The following PAK5 variants were observed in gnomAD, a reference collection of about 807,000 sequenced individuals.
The protein encoded by PAK5 is p21 (RAC1) activated kinase 5.
In PAK5, 16 loss-of-function variants were observed where a neutral mutation model predicts 65.9. The ratio of observed to expected loss-of-function variants is 0.24; its 90% CI spans 0.16 to 0.37. PAK5 has a LOEUF of 0.37. Ranked by LOEUF, PAK5 falls within the 10% of genes least tolerant of loss-of-function variation. The pLI, the probability that PAK5 is intolerant of heterozygous loss-of-function variation, is 1.00. For synonymous variants in PAK5, 371 were observed against 354.9 expected (o/e 1.05, Z -0.51); for missense variants, 785 against 903.9 (o/e 0.87, Z 1.69).
intron 1 of PAK5, among the ~76,000 whole-genome samples, chr20:9,823,962 T>A (rs889997467): frequency 6.6e-6 from 1 of 152,182 alleles, no homozygotes; most frequent in African/African-American, 2.4e-5. Context: ...TTACTAGCCA[T>A]AAAATGGGAA....
At chr20:9,586,234 A>G (rs2046067313) in intron 3 of PAK5, among the ~76,000 whole-genome samples, 1 of 152,286 alleles carries the variant, frequency 6.6e-6, no homozygotes, top group South Asian at 2.1e-4. Flanking sequence ...GAAATTCACC[A>G]CTAGGACACA....
chr20:9,567,002 G>A (rs2045694389), intron 4 of PAK5, among the ~76,000 whole-genome samples: 1 of 152,148 alleles, frequency 6.6e-6, no homozygotes, highest in African/African-American at 2.4e-5. Flanking sequence ...GGGATGAGGG[G>A]ATTTATTGGA....
chr20:9,738,777 T>C lies in PAK5; in HGVS notation c.-161-27342A>G, dbSNP rs141755946. On this transcript the variant is annotated intron_variant, in intron 1 of 9. Coordinates refer to ENST00000353224, the MANE Select transcript of PAK5 (RefSeq NM_177990.4). Reference sequence around the variant, plus strand: ...TGATGACTTCATGGTTGTATACATATGTCAACATGTATCAAATTGCATACT... The same window carrying C: ...TGATGACTTCATGGTTGTATACATACGTCAACATGTATCAAATTGCATACT... Among the ~76,000 whole-genome samples the C allele has an allele frequency of 3.9e-5, 6 of 152,156 alleles. No individual in the cohort carries two copies. In the East Asian group the frequency reaches 7.7e-4, roughly 20 times the overall value.
At chr20:9,797,684 A>G (rs2049121226) in intron 1 of PAK5, among the ~76,000 whole-genome samples, 1 of 150,322 alleles carries the variant, frequency 6.7e-6, no homozygotes, top group Non-Finnish European at 1.5e-5. Flanking sequence ...CACAAGAAAA[A>G]AAAAAGAAAA....
chr20:9,558,273 G>A (rs1303509607), intron 6 of PAK5, among the ~76,000 whole-genome samples: 7 of 151,744 alleles, frequency 4.6e-5, no homozygotes, highest in African/African-American at 9.7e-5. Context: ...CATTATGCCC[G>A]GCTAATTTTT....
chr20:9,787,181 A>T (rs77077072), intron 1 of PAK5, among the ~76,000 whole-genome samples: 2,773 of 152,308 alleles, frequency 0.018, 93 homozygotes, highest in African/African-American at 0.062. Context: ...AGATAAGAGA[A>T]ATAAAGCATA....
intron 1 of PAK5, among the ~76,000 whole-genome samples, chr20:9,807,512 T>G (rs1255608459): frequency 1.3e-5 from 2 of 152,028 alleles, no homozygotes; most frequent in African/African-American, 2.4e-5. Context: ...AATACATACA[T>G]ACTCTAGAGA....
chr20:9,833,546 A>C, intron 1 of PAK5, among the ~76,000 whole-genome samples: 1 of 138,700 alleles, frequency 7.2e-6, no homozygotes, highest in Non-Finnish European at 1.5e-5. Flanking sequence ...CTAGAACTCC[A>C]CTCTCCACAC....
chr20:9,706,884 A>G (rs770445372), intron 2 of PAK5, among the ~76,000 whole-genome samples: 1 of 152,062 alleles, frequency 6.6e-6, no homozygotes, highest in Non-Finnish European at 1.5e-5. Context: ...AATCAACCAT[A>G]CATTCATCCA....
At chr20:9,557,136 T>C (rs2045519917) in intron 7 of PAK5, among the ~76,000 whole-genome samples, 1 of 152,166 alleles carries the variant, frequency 6.6e-6, no homozygotes, top group African/African-American at 2.4e-5. Flanking sequence ...CATACACTAT[T>C]CCTTATGATT....
chr20:9,628,015 AATG>A (rs1286858924), intron 3 of PAK5, among the ~76,000 whole-genome samples: 2 of 152,194 alleles, frequency 1.3e-5, no homozygotes, highest in Non-Finnish European at 2.9e-5. Context: ...GTATTCCTAA[AATG>A]ATGAAGACAT....
chr20:9,745,732 T>C (rs1600317774), intron 1 of PAK5, among the ~76,000 whole-genome samples: 2 of 152,234 alleles, frequency 1.3e-5, no homozygotes, highest in South Asian at 2.1e-4. Flanking sequence ...GTGATACCAA[T>C]GCTGCCACTC....
At chr20:9,612,413 AT>A in intron 3 of PAK5, among the ~76,000 whole-genome samples, 3 of 152,328 alleles carry the variant, frequency 2.0e-5, no homozygotes, top group East Asian at 3.9e-4. Flanking sequence ...TACAGGAAGC[AT>A]AAGTCTGGCA....
intron 1 of PAK5, among the ~76,000 whole-genome samples, chr20:9,728,138 C>T (rs561499587): frequency 2.0e-5 from 3 of 152,140 alleles, no homozygotes; most frequent in South Asian, 2.1e-4. Context: ...ACAGGATCTA[C>T]GGCCATAAAA....
chr20:9,634,044 T>A (rs762104033), intron 3 of PAK5, among the ~76,000 whole-genome samples: 1 of 152,146 alleles, frequency 6.6e-6, no homozygotes, highest in Non-Finnish European at 1.5e-5. Flanking sequence ...TTTCTAATAA[T>A]CCTTGGCAGG....
chr20:9,608,565 G>C (rs968162520), intron 3 of PAK5, among the ~76,000 whole-genome samples: 1 of 152,180 alleles, frequency 6.6e-6, no homozygotes, highest in African/African-American at 2.4e-5. Flanking sequence ...CTTTTAATTT[G>C]ACTTTCAATC....
chr20:9,727,860 C>T (rs1365680900), intron 1 of PAK5, among the ~76,000 whole-genome samples: 1 of 151,930 alleles, frequency 6.6e-6, no homozygotes, highest in East Asian at 1.9e-4. Context: ...TTGTGTGCTA[C>T]CTTCCTTTTT....
intron 1 of PAK5, among the ~76,000 whole-genome samples, chr20:9,714,258 T>A (rs2048114405): frequency 6.6e-6 from 1 of 152,140 alleles, no homozygotes; most frequent in African/African-American, 2.4e-5. Context: ...TAATTGTAGG[T>A]TAATAGTTCG....
At chr20:9,618,367 A>G (rs1259808963) in intron 3 of PAK5, among the ~76,000 whole-genome samples, 1 of 148,868 alleles carries the variant, frequency 6.7e-6, no homozygotes. Flanking sequence ...GCTGAGACAT[A>G]TGTTGATACA....
Sources: allele counts gnomAD v4.1 joint callset (sites outside exome capture counted in the v4.1 genomes callset), GRCh38; gene constraint gnomAD v4.1.1; transcripts MANE v1.5; gene names NCBI Gene and HGNC (gene_info 2026-07-23, HGNC 2026-07-21).